The following SEC24D variants were observed in gnomAD, a reference collection of about 807,000 sequenced individuals.
SEC24D encodes SEC24 homolog D, COPII component.
SEC24D carries 69 observed loss-of-function variants against 116.9 expected under a neutral mutation model. The ratio of observed to expected loss-of-function variants is 0.59; its 90% CI spans 0.49 to 0.72. The LOEUF is 0.72. Ranked by LOEUF, SEC24D falls within the 30% of genes least tolerant of loss-of-function variation. The pLI, the probability that SEC24D is intolerant of heterozygous loss-of-function variation, is 0.00. For missense variants in SEC24D, 1,131 were observed against 1,264.1 expected, an observed-to-expected ratio of 0.89 and a Z score of 1.60; for synonymous variants, 405 against 442.8, an observed-to-expected ratio of 0.91 and a Z score of 1.07.
At chr4:118,738,516 T>C (rs1726080146) in intron 18 of SEC24D, 137 bp from the exon 19 acceptor site, 1 of 677,004 alleles carries the variant, frequency 1.5e-6, no homozygotes, top group Admixed American at 2.5e-5. Flanking sequence ...TCTGTTCAAG[T>C]CATTTGCTAA....
chr4:118,738,510 TTCAAG>T (rs1726079886), intron 18 of SEC24D, 131 bp from the exon 19 acceptor site: 12 of 685,190 alleles, frequency 1.8e-5, no homozygotes, highest in Non-Finnish European at 3.2e-5. Flanking sequence ...TTTAAATCTG[TTCAAG>T]TCATTTGCTA....
At chr4:118,764,411 A>G (rs1727536587) in intron 10 of SEC24D, 1 of 160,674 alleles carries the variant, frequency 6.2e-6, no homozygotes, top group Non-Finnish European at 1.4e-5. Flanking sequence ...GAAACACGTC[A>G]ATAGTCCTAC....
chr4:118,833,429 T>C (rs562845999), intron 2 of SEC24D, 150 bp downstream of exon 2: 75 of 613,032 alleles, frequency 1.2e-4, no homozygotes, highest in Middle Eastern at 1.1e-3. Flanking sequence ...AGTTCTGCTA[T>C]GAGAGCCTTT....
chr4:118,768,098 T>C lies in SEC24D; in HGVS notation c.1180+75A>G, dbSNP rs972629063. On this transcript the variant is annotated intron_variant, in intron 9 of 22. Transcript: ENST00000280551. ...TATAGCAGAAAAAAGAATGTATGCTTCTCCTAAACTAAGAAGTATAATACA... is the reference window on the plus strand; with the variant it reads ...TATAGCAGAAAAAAGAATGTATGCTCCTCCTAAACTAAGAAGTATAATACA... 3.2e-6 allele frequency: 4 copies of C among 1,266,646 alleles called. No individual in the cohort carries two copies. The African/African-American group carries it at 6.0e-5, about 19-fold the overall frequency. The allele number at this position is 1,266,646 out of a possible 1,614,324, so 78.5% of individuals were successfully genotyped here.
intron 11 of SEC24D, among the ~76,000 whole-genome samples, chr4:118,756,164 T>A (rs530039952): frequency 6.6e-6 from 1 of 152,136 alleles, no homozygotes; most frequent in African/African-American, 2.4e-5. Context: ...TTTTCTTTCA[T>A]GCTAATCAAG....
In SEC24D at chr4:118,732,834, G is replaced by A. The variant is rs763462468; in HGVS notation, c.2575C>T (p.Pro859Ser). The change falls in exon 20 of 23, where the codon CCA becomes TCA. Residue 859 changes from proline to serine, a missense_variant. Coordinates refer to ENST00000280551, the MANE Select transcript of SEC24D (RefSeq NM_014822.4). ...GCTCGTTCATCAGTTGAGATCTCTG[G>A]TCTGCTGAGTAGTACACAGTTTTTC... Reference protein sequence around the residue: ...LLKNCVLLSRPEISTDERAYQ... With the variant: ...LLKNCVLLSRSEISTDERAYQ... The A allele has an allele frequency of 6.2e-7, 1 of 1,614,034 alleles. No individual in the cohort carries two copies. The highest frequency in any genetic ancestry group is 1.1e-5 in the South Asian group (1 of 91,082).
chr4:118,813,004 C>T (rs1729983658), intron 6 of SEC24D, among the ~76,000 whole-genome samples: 1 of 152,198 alleles, frequency 6.6e-6, no homozygotes, highest in Non-Finnish European at 1.5e-5. Flanking sequence ...AGCCACACCC[C>T]CACTGCATGC....
chr4:118,830,664 G>A (rs1197326885), intron 2 of SEC24D, among the ~76,000 whole-genome samples: 2 of 150,982 alleles, frequency 1.3e-5, no homozygotes, highest in African/African-American at 4.9e-5. Flanking sequence ...TTTAAAAACA[G>A]CCATGAGTGC....
chr4:118,750,187 C>T (rs1560634837), intron 13 of SEC24D, among the ~76,000 whole-genome samples: 1 of 152,290 alleles, frequency 6.6e-6, no homozygotes, highest in East Asian at 1.9e-4. Context: ...TTGCTGCAGT[C>T]GTTGTACTGC....
At chr4:118,783,677 C>T (rs1057209005) in intron 8 of SEC24D, among the ~76,000 whole-genome samples, 1 of 152,122 alleles carries the variant, frequency 6.6e-6, no homozygotes, top group African/African-American at 2.4e-5. Context: ...TGACTGAAAA[C>T]ATCACTAAAA....
At chr4:118,810,122 GTGTGTGTGTGTGT>G in intron 6 of SEC24D, among the ~76,000 whole-genome samples, 1 of 147,068 alleles carries the variant, frequency 6.8e-6, no homozygotes, top group Admixed American at 6.9e-5. Context: ...GTGTGTGTGT[GTGTGTGTGTGTGT>G]GTCAGAGGGT....
intron 10 of SEC24D, among the ~76,000 whole-genome samples, chr4:118,758,952 C>G (rs1028184438): frequency 6.6e-6 from 1 of 152,200 alleles, no homozygotes; most frequent in African/African-American, 2.4e-5. Flanking sequence ...TTCACACCTA[C>G]TTTAATTCAC....
intron 6 of SEC24D, 102 bp downstream of exon 6, chr4:118,814,926 T>C (rs1730072630): frequency 7.7e-7 from 1 of 1,304,444 alleles, no homozygotes; most frequent in African/African-American, 1.5e-5. Context: ...TCTCCTAACT[T>C]CTATGCTAAT....
chr4:118,796,157 T>C lies in SEC24D; in HGVS notation c.1041+1526A>G, dbSNP rs1020047653. Among the ~76,000 whole-genome samples, 6 of 152,236 alleles carry C rather than the reference T, an allele frequency of 3.9e-5. No homozygotes were observed. The South Asian group carries it at 6.2e-4, about 16-fold the overall frequency. On this transcript the variant is annotated intron_variant, in intron 8 of 22. Transcript: ENST00000280551. ...AGGTGGCAGGGATATAGGTGTTCAC[T>C]ATGAAATCGTTTTAGATTTTCTGTA...
In SEC24D at chr4:118,757,776, CATTCTTTATGTTACTAT is replaced by C; in HGVS notation, c.1349_1365del (p.Tyr450TrpfsTer8). On this transcript the variant is annotated frameshift_variant, in exon 11 of 23. Coordinates refer to ENST00000280551, the MANE Select transcript of SEC24D (RefSeq NM_014822.4). LOFTEE classifies it high-confidence loss of function. ...TCTTCACATATGAGCTTGACAAGTC[CATTCTTTATGTTACTAT>C]ATGAAACATCAATCATGAAGATAAA... 1 of 1,611,836 alleles carries C rather than the reference CATTCTTTATGTTACTAT, an allele frequency of 6.2e-7. No individual in the cohort carries two copies. The highest frequency in any genetic ancestry group is 8.5e-7 in the Non-Finnish European group (1 of 1,179,012).
chr4:118,756,682 G>A (rs1727115957), intron 11 of SEC24D, among the ~76,000 whole-genome samples: 1 of 152,174 alleles, frequency 6.6e-6, no homozygotes, highest in Middle Eastern at 3.4e-3. Flanking sequence ...GACACGTAGG[G>A]ACTAGGTTAC....
intron 8 of SEC24D, among the ~76,000 whole-genome samples, chr4:118,776,635 A>G (rs1340625950): frequency 6.6e-6 from 1 of 152,170 alleles, no homozygotes; most frequent in African/African-American, 2.4e-5. Context: ...TTTTCTTGCT[A>G]GAACAGATGT....
At chr4:118,798,640 G>A (rs534802080) in intron 7 of SEC24D, among the ~76,000 whole-genome samples, 25 of 152,282 alleles carry the variant, frequency 1.6e-4, no homozygotes, top group African/African-American at 6.0e-4. Flanking sequence ...TGAATATTAC[G>A]CCTAATAAAA....
chr4:118,790,995 G>A (rs1287186310), intron 8 of SEC24D, among the ~76,000 whole-genome samples: 1 of 151,376 alleles, frequency 6.6e-6, no homozygotes, highest in African/African-American at 2.4e-5. Context: ...CAGTATTCAA[G>A]TAATACATTT....
Sources: gnomAD v4.1 joint callset for allele counts (sites outside exome capture counted in the v4.1 genomes callset) on GRCh38, gnomAD v4.1.1 for gene constraint, MANE v1.5 for transcripts, NCBI Gene and HGNC (gene_info 2026-07-23, HGNC 2026-07-21) for gene names.